The following TP53BP2 variants were observed in gnomAD, a reference collection of about 807,000 sequenced individuals.
The protein encoded by TP53BP2 is apoptosis-stimulating of p53 protein 2.
Under a neutral mutation model 126.2 loss-of-function variants are expected in TP53BP2, and 62 were observed. The observed-to-expected ratio is 0.49, with a 90% CI of 0.40 to 0.61. TP53BP2 has a LOEUF of 0.61. TP53BP2 is among the 20% of genes least tolerant of loss of function. TP53BP2 has a pLI of 0.00. For synonymous variants in TP53BP2, 485 were observed against 502.9 expected, an observed-to-expected ratio of 0.96 and a Z score of 0.48; for missense variants, 1,215 against 1,402.8, an observed-to-expected ratio of 0.87 and a Z score of 2.14.
In TP53BP2 at chr1:223,798,274, T is replaced by G; in HGVS notation, c.1889A>C (p.Gln630Pro). Residue 630 changes from glutamine (Q) to proline (P), a missense_variant, in exon 12 of 18, where the codon CAG becomes CCG. This residue lies in a region of TP53BP2 where 814 missense variants were observed against 853.0 expected (regional missense o/e 0.95). Transcript: ENST00000343537. Reference sequence around the variant, plus strand: ...GGTCAACGCGCTCTGCACAGCCTGCTGGAAGTTTTTTCCTGGCGCCTGCTG... The same window carrying G: ...GGTCAACGCGCTCTGCACAGCCTGCGGGAAGTTTTTTCCTGGCGCCTGCTG... ...TQQQAPGKNF[Q>P]QAVQSALTKT... 1 of 1,614,210 alleles carries G rather than the reference T, an allele frequency of 6.2e-7. No homozygotes were observed. Among genetic ancestry groups the G allele is most frequent in the South Asian group, 1.1e-5 (1 of 91,084 alleles).
At chr1:223,812,977 C>T (rs573654467) in intron 3 of TP53BP2, among the ~76,000 whole-genome samples, 1 of 152,318 alleles carries the variant, frequency 6.6e-6, no homozygotes, top group East Asian at 1.9e-4. Context: ...GGATTACAGG[C>T]ATGAGCCACC....
chr1:223,792,863 CAA>C (rs35552256), intron 14 of TP53BP2, among the ~76,000 whole-genome samples: 23 of 129,232 alleles, frequency 1.8e-4, no homozygotes, highest in East Asian at 2.2e-4. Flanking sequence ...CTATGGAAAG[CAA>C]AAAAAAAAAA....
At chr1:223,793,182 T>A in intron 14 of TP53BP2, 121 bp downstream of exon 14, 1 of 780,970 alleles carries the variant, frequency 1.3e-6, no homozygotes, top group Non-Finnish European at 1.8e-6. Context: ...AGTCGCTTTC[T>A]AATTAGAGCT....
At chr1:223,832,065 TA>T (rs1663754791) in intron 1 of TP53BP2, among the ~76,000 whole-genome samples, 1 of 151,844 alleles carries the variant, frequency 6.6e-6, no homozygotes, top group Non-Finnish European at 1.5e-5. Flanking sequence ...AAAAACTGAT[TA>T]GGGCATTTAC....
At chr1:223,831,480 A>ATATATATAT (rs1553263390) in intron 1 of TP53BP2, among the ~76,000 whole-genome samples, 9 of 32,434 alleles carry the variant, frequency 2.8e-4, no homozygotes, top group Admixed American at 4.9e-4. Context: ...AAAAAAAAAA[A>ATATATATAT]ATATATATAT....
intron 17 of TP53BP2, 149 bp from the exon 18 acceptor site, chr1:223,781,043 A>G (rs890223626): frequency 3.6e-5 from 26 of 721,642 alleles, no homozygotes; most frequent in Admixed American, 2.9e-4. Context: ...TGGCACCTAG[A>G]GCTTTACGTT....
At position 223,799,999 on chromosome 1, in the gene TP53BP2, G is replaced by A. The variant is rs774631779; in HGVS notation, c.1385C>T (p.Pro462Leu). ...PLREKEKKVR[P>L]FSMFDAVDQS... Reference sequence around the variant, plus strand: ...GTCTACTGCATCAAACATTGAGAACGGACGCACTTTCTTCTCTTTCTCCCT... The same window carrying A: ...GTCTACTGCATCAAACATTGAGAACAGACGCACTTTCTTCTCTTTCTCCCT... Residue 462 changes from proline (P) to leucine (L), a missense_variant, in exon 11 of 18, where the codon CCG (proline) becomes CTG (leucine). By Grantham distance (98) the Pro-to-Leu change is moderately conservative. This residue lies in a region of TP53BP2 where 814 missense variants were observed against 853.0 expected (regional missense o/e 0.95). Transcript: ENST00000343537. The A allele has an allele frequency of 6.8e-5, 110 of 1,612,008 alleles. No individual in the cohort carries two copies. The highest frequency in any genetic ancestry group is 8.8e-5 in the Non-Finnish European group (104 of 1,179,374).
chr1:223,788,000 T>C (rs1196169788), intron 16 of TP53BP2, among the ~76,000 whole-genome samples: 1 of 152,092 alleles, frequency 6.6e-6, no homozygotes, highest in East Asian at 1.9e-4. Flanking sequence ...GCCTGGGAGT[T>C]TGGGGCTACA....
chr1:223,827,265 A>C (rs1346805376), intron 1 of TP53BP2, among the ~76,000 whole-genome samples: 1 of 152,222 alleles, frequency 6.6e-6, no homozygotes, highest in Non-Finnish European at 1.5e-5. Context: ...AGCAACCTCC[A>C]GAGGTCCCAC....
intron 16 of TP53BP2, among the ~76,000 whole-genome samples, chr1:223,785,678 C>T (rs991449827): frequency 2.6e-5 from 4 of 152,208 alleles, no homozygotes; most frequent in African/African-American, 9.7e-5. Flanking sequence ...TGAGCCACTG[C>T]ACCCAGCCTC....
intron 1 of TP53BP2, among the ~76,000 whole-genome samples, chr1:223,836,357 C>T (rs1333937158): frequency 6.6e-6 from 1 of 152,224 alleles, no homozygotes; most frequent in African/African-American, 2.4e-5. Context: ...TGACCGGATG[C>T]TCTTCTGCAC....
intron 3 of TP53BP2, among the ~76,000 whole-genome samples, chr1:223,812,142 C>T (rs1420811891): frequency 1.3e-5 from 2 of 151,920 alleles, no homozygotes; most frequent in East Asian, 3.9e-4. Flanking sequence ...ACCAGTGATA[C>T]TGAAAGGCAA....
intron 11 of TP53BP2, among the ~76,000 whole-genome samples, chr1:223,799,584 C>A (rs1048014043): frequency 6.6e-6 from 1 of 152,188 alleles, no homozygotes; most frequent in Non-Finnish European, 1.5e-5. Flanking sequence ...AAATTCACCA[C>A]ACAAGCATTT....
Position 223,802,859 on chromosome 1 carries a change from G to C in TP53BP2, c.868C>G (p.Leu290Val), listed in dbSNP as rs748809773. Residue 290 changes from leucine (L) to valine (V), a missense_variant, in exon 8 of 18, where the codon CTA becomes GTA. Leu to Val is a conservative substitution (Grantham distance 32, BLOSUM62 1). Around this residue, in one of 4 missense-constraint regions of TP53BP2, gnomAD observed 814 missense variants for 853.0 expected, o/e 0.95. Coordinates refer to ENST00000343537, the MANE Select transcript of TP53BP2 (RefSeq NM_001031685.3). ...TTCAAACACTCCCTCTGTTGTTGTA[G>C]CTTGGCATTCTGCTCTTGATTCAAT... is the stretch of plus-strand genomic sequence containing the variant. ...NKLNQEQNAK[L>V]QQQRECLNKR... is the part of the protein sequence containing the mutation. 1.2e-6 allele frequency: 2 copies of C among 1,614,176 alleles called. No homozygotes were observed. The highest frequency in any genetic ancestry group is 1.1e-5 in the South Asian group (1 of 91,088).
At chr1:223,814,417 C>T (rs1663016284) in intron 2 of TP53BP2, 64 bp from the exon 3 acceptor site, 2 of 1,154,446 alleles carry the variant, frequency 1.7e-6, no homozygotes, top group African/African-American at 3.0e-5. Flanking sequence ...TATCATTCAC[C>T]ATCTATCCTT....
At chr1:223,809,246 C>T (rs1662828858) in intron 4 of TP53BP2, among the ~76,000 whole-genome samples, 2 of 152,232 alleles carry the variant, frequency 1.3e-5, no homozygotes, top group South Asian at 2.1e-4. Context: ...TGCATTTCAT[C>T]TTTTCATCAT....
chr1:223,804,995 T>C (rs752665341), intron 5 of TP53BP2, among the ~76,000 whole-genome samples: 1 of 152,258 alleles, frequency 6.6e-6, no homozygotes, highest in Non-Finnish European at 1.5e-5. Context: ...TCATGGAATC[T>C]GAAATTGTTT....
Position 223,845,691 on chromosome 1 carries a change from G to C in TP53BP2, c.-11C>G, listed in dbSNP as rs2102898589. 1 of 1,544,118 alleles carries C rather than the reference G, an allele frequency of 6.5e-7. No individual in the cohort carries two copies. Among genetic ancestry groups the C allele is most frequent in the Middle Eastern group, 1.7e-4 (1 of 5,860 alleles). Reference sequence around the variant, plus strand: ...GGACCCGAACCGCATGGAAGCGGGTGGCCAGACTGCGGCCCCGGCCGAGCT... The same window carrying C: ...GGACCCGAACCGCATGGAAGCGGGTCGCCAGACTGCGGCCCCGGCCGAGCT... On this transcript the variant is annotated 5_prime_UTR_variant, in exon 1 of 18. Transcript: ENST00000343537.
At chr1:223,794,844 T>G (rs1469209355) in intron 13 of TP53BP2, among the ~76,000 whole-genome samples, 2 of 152,258 alleles carry the variant, frequency 1.3e-5, no homozygotes, top group African/African-American at 4.8e-5. Context: ...TGTAACCAAT[T>G]GTTAAAAATA....
Sources: gnomAD v4.1 joint callset for allele counts (sites outside exome capture counted in the v4.1 genomes callset) on GRCh38, gnomAD v4.1.1 for gene constraint, gnomAD v4.1.1 regional missense constraint, MANE v1.5 for transcripts, NCBI Gene and HGNC (gene_info 2026-07-23, HGNC 2026-07-21) for gene names.